ZNF610: variants seen among roughly 807,000 people sequenced by gnomAD.
ZNF610 encodes the protein zinc finger protein 610.
In ZNF610, 14 loss-of-function variants were observed where a neutral mutation model predicts 14.1. The observed-to-expected ratio is 0.99, with a 90% CI of 0.65 to 1.55. The LOEUF (loss-of-function observed/expected upper bound fraction) is 1.55. Among genes scored for constraint, ZNF610 ranks in the 40% most tolerant of loss-of-function variants. The probability of loss-of-function intolerance (pLI) is 0.00; values close to 1 mark genes in which losing one functional copy is unlikely to be tolerated. For missense variants in ZNF610, 530 were observed against 558.0 expected (o/e 0.95, Z 0.51); for synonymous variants, 185 against 187.6 (o/e 0.99, Z 0.11).
chr19:52,350,923 C>T (rs1005862892), intron 3 of ZNF610, among the ~76,000 whole-genome samples: 1 of 151,850 alleles, frequency 6.6e-6, no homozygotes, highest in African/African-American at 2.4e-5. Context: ...TCGCTTGAAC[C>T]CGGGAGGTGG....
At chr19:52,339,636 A>G (rs910038411) in intron 1 of ZNF610, among the ~76,000 whole-genome samples, 5 of 151,760 alleles carry the variant, frequency 3.3e-5, no homozygotes, top group African/African-American at 1.2e-4. Context: ...TCAAGGCAGA[A>G]GAATTTCTCT....
rs111450031 is a variant in ZNF610 at position 52,339,272 on chromosome 19, A to G, written c.-258+2766A>G. Among the ~76,000 whole-genome samples the G allele has an allele frequency of 2.1e-3, 326 of 151,978 alleles. 1 individual carries two copies. Among genetic ancestry groups the G allele is most frequent in the African/African-American group, 7.7e-3 (320 of 41,452 alleles). On this transcript the variant is annotated intron_variant, in intron 1 of 5. Coordinates refer to ENST00000403906, the MANE Select transcript of ZNF610 (RefSeq NM_001161425.2). ...ATGCCTTCCTCTTATCTTAACTGCA[A>G]AGAGGCCTTCCTCTTTCACTAATCC...
upstream of ZNF610, among the ~76,000 whole-genome samples, chr19:52,333,949 A>G (rs1040164703): frequency 3.3e-5 from 5 of 152,318 alleles, no homozygotes; most frequent in Middle Eastern, 3.4e-3. Flanking sequence ...TGTTTGCCAG[A>G]TTAAACTCCA....
At chr19:52,362,283 C>T (rs183761237) in intron 5 of ZNF610, among the ~76,000 whole-genome samples, 9 of 152,336 alleles carry the variant, frequency 5.9e-5, no homozygotes, top group East Asian at 1.9e-4. Context: ...TGGTGGCACA[C>T]GCCTGTAGTC....
Position 52,366,858 on chromosome 19 carries a change from G to A in ZNF610, c.*91G>A, listed in dbSNP as rs978752798. ...TTACAAATATCATAAATGTGGCAAAGAATTTAGTTTGCATTGAAGCCTCAT... is the reference window on the plus strand; with the variant it reads ...TTACAAATATCATAAATGTGGCAAAAAATTTAGTTTGCATTGAAGCCTCAT... On this transcript the variant is annotated 3_prime_UTR_variant, in exon 6 of 6. Coordinates refer to ENST00000403906, the MANE Select transcript of ZNF610 (RefSeq NM_001161425.2). The A allele has an allele frequency of 1.2e-5, 13 of 1,067,092 alleles. No individual in the cohort carries two copies. The South Asian group carries it at 1.9e-4, about 16-fold the overall frequency. The allele number at this position is 1,067,092 out of a possible 1,614,324, so 66.1% of individuals were successfully genotyped here.
At chr19:52,342,173 G>A (rs1470114683) in intron 1 of ZNF610, among the ~76,000 whole-genome samples, 1 of 152,138 alleles carries the variant, frequency 6.6e-6, no homozygotes, top group Admixed American at 6.5e-5. Context: ...AAACTCCTGA[G>A]CTGAAGTGAT....
Position 52,363,483 on chromosome 19 carries a change from G to T in ZNF610, c.320-2215G>T, listed in dbSNP as rs117620090. 7.3e-3 allele frequency among the ~76,000 whole-genome samples: 1,114 copies of T among 152,204 alleles called. 10 individuals are homozygous for T. The highest frequency in any genetic ancestry group is 0.036 in the South Asian group (176 of 4,822). On this transcript the variant is annotated intron_variant, in intron 5 of 5. Coordinates refer to ENST00000403906, the MANE Select transcript of ZNF610 (RefSeq NM_001161425.2). The stretch of plus-strand genomic sequence containing the variant: ...AAGTATTGAAGTCTACTACTATATC[G>T]TGGAGCTATCTGTTTCTCCTTTGAA...
chr19:52,346,350 A>G (rs1182479044), intron 1 of ZNF610, among the ~76,000 whole-genome samples: 3 of 151,172 alleles, frequency 2.0e-5, no homozygotes, highest in Non-Finnish European at 4.4e-5. Context: ...TTTTTAGTAG[A>G]GACGGGGTTT....
rs1164731268 is a variant in ZNF610 at position 52,366,313 on chromosome 19, G to T, written c.935G>T (p.Gly312Val). 1.2e-6 allele frequency: 2 copies of T among 1,614,026 alleles called. No individual in the cohort carries two copies. The highest frequency in any genetic ancestry group is 2.2e-5 in the East Asian group (1 of 44,876). The change falls in exon 6 of 6, where the codon GGA (glycine) becomes GTA (valine). Residue 312 changes from glycine to valine, a missense_variant. Gly to Val is a moderately radical substitution (Grantham distance 109). Transcript: ENST00000403906. The stretch of plus-strand genomic sequence containing the variant: ...ACTACCCATCTTGTAATCCATACTG[G>T]AGAGAAACCTTACAAATGTAATGAG... ...GLTTHLVIHT[G>V]EKPYKCNECG...
Position 52,366,003 on chromosome 19 carries a change from G to C in ZNF610, c.625G>C (p.Asp209His), listed in dbSNP as rs1464630749. Reference sequence around the variant, plus strand: ...ATCTTATGAATATGAATGTAGTGAAGATGGTGAAGTTTTTAGAGTCCGTGC... The same window carrying C: ...ATCTTATGAATATGAATGTAGTGAACATGGTGAAGTTTTTAGAGTCCGTGC... ...GKSYEYECSE[D>H]GEVFRVRASL... The change falls in exon 6 of 6, where the codon GAT (aspartate) becomes CAT (histidine). Residue 209 changes from aspartate to histidine, a missense_variant. Physicochemically the swap from Asp to His is moderately conservative, Grantham distance 81. Transcript: ENST00000403906. The C allele has an allele frequency of 1.2e-6, 2 of 1,614,150 alleles. No individual in the cohort carries two copies. Among genetic ancestry groups the C allele is most frequent in the African/African-American group, 1.3e-5 (1 of 75,060 alleles).
intron 5 of ZNF610, among the ~76,000 whole-genome samples, chr19:52,363,611 A>G (rs1258286889): frequency 2.0e-5 from 3 of 152,114 alleles, no homozygotes; most frequent in Non-Finnish European, 4.4e-5. Flanking sequence ...TCATCATTGT[A>G]TAATAACTTT....
intron 5 of ZNF610, among the ~76,000 whole-genome samples, chr19:52,364,254 A>G (rs1048955236): frequency 6.6e-6 from 1 of 152,236 alleles, no homozygotes; most frequent in Admixed American, 6.5e-5. Flanking sequence ...CAAATTACAA[A>G]TGAAAAGTAC....
At chr19:52,345,398 A>G (rs933964192) in intron 1 of ZNF610, 4 of 152,202 alleles carry the variant, frequency 2.6e-5, no homozygotes, top group African/African-American at 9.7e-5. Flanking sequence ...GTCTGTGGTG[A>G]TGCTGGGGGA....
In ZNF610 at chr19:52,354,251, G is replaced by A; in HGVS notation, c.191G>A (p.Gly64Glu). Residue 64 changes from glycine to glutamate, a missense_variant and splice_region_variant, in exon 5 of 6, where the codon GGA becomes GAA. Coordinates refer to ENST00000403906, the MANE Select transcript of ZNF610 (RefSeq NM_001161425.2). ...LENYRNLVFL[G>E]ICLPDLSIIS... Reference sequence around the variant, plus strand: ...CTTGTTTCTTTCTTTTTATTAACAGGAATCTGTCTTCCTGACCTAAGTATT... The same window carrying A: ...CTTGTTTCTTTCTTTTTATTAACAGAAATCTGTCTTCCTGACCTAAGTATT... The A allele has an allele frequency of 6.2e-7, 1 of 1,613,350 alleles. No homozygotes were observed.
chr19:52,357,847 G>GA (rs1985606114), intron 5 of ZNF610, among the ~76,000 whole-genome samples: 1 of 151,876 alleles, frequency 6.6e-6, no homozygotes, highest in Non-Finnish European at 1.5e-5. Context: ...TAAATTAACA[G>GA]ATGGAAAGAA....
rs1284500612 is a variant in ZNF610, at chr19:52,352,659, C to CT, written c.64-1014dup. 1.3e-4 allele frequency among the ~76,000 whole-genome samples: 19 copies of CT among 151,588 alleles called. No homozygotes were observed. In the South Asian group the frequency reaches 3.1e-3, roughly 25 times the overall value. On this transcript the variant is annotated intron_variant, in intron 3 of 5. Coordinates refer to ENST00000403906, the MANE Select transcript of ZNF610 (RefSeq NM_001161425.2). ...TGCTTTTTCCTGCCTCCTACCCCCA[C>CT]TTTTTTTTTCCTGTTTTTTTTCCTC...
rs755527169 is a variant in ZNF610, at chr19:52,366,449, A to G, written c.1071A>G (p.Ser357=). 7 of 1,614,246 alleles carry G rather than the reference A, an allele frequency of 4.3e-6. No homozygotes were observed. Among genetic ancestry groups the G allele is most frequent in the Non-Finnish European group, 3.4e-6 (4 of 1,180,054 alleles). The change falls in exon 6 of 6, where the codon TCA becomes TCG. Residue 357 remains serine (S), a synonymous_variant. Coordinates refer to ENST00000403906, the MANE Select transcript of ZNF610 (RefSeq NM_001161425.2). ...NECGKVFSLL[S]YLARHQIIHS... The stretch of plus-strand genomic sequence containing the variant: ...GTGGCAAGGTCTTTAGTCTGCTTTC[A>G]TACCTTGCACGGCATCAAATAATTC...
the ZNF610 span, among the ~76,000 whole-genome samples, chr19:52,330,934 T>C: frequency 6.6e-6 from 1 of 152,182 alleles, no homozygotes; most frequent in South Asian, 2.1e-4. Flanking sequence ...CTGATATACA[T>C]GAATGATTAA....
At chr19:52,344,868 T>C (rs138880842) in intron 1 of ZNF610, among the ~76,000 whole-genome samples, 1,746 of 152,246 alleles carry the variant, frequency 0.011, 38 homozygotes, top group African/African-American at 0.04. Context: ...CTGCAACCTC[T>C]GCCTCCCAGG....
Sources: allele counts gnomAD v4.1 joint callset (sites outside exome capture counted in the v4.1 genomes callset), GRCh38; gene constraint gnomAD v4.1.1; transcripts MANE v1.5; gene names NCBI Gene and HGNC (gene_info 2026-07-23, HGNC 2026-07-21).